The following SLC44A3 variants were observed in gnomAD, a reference collection of about 807,000 sequenced individuals.
SLC44A3 encodes the protein choline transporter-like protein 3.
SLC44A3 carries 74 observed loss-of-function variants against 75.4 expected under a neutral mutation model. The observed-to-expected ratio is 0.98, with a 90% CI of 0.81 to 1.19. The LOEUF is 1.19. Ranked by LOEUF, SLC44A3 falls within the 50% of genes most tolerant of loss-of-function variation. The pLI is 0.00. For synonymous variants in SLC44A3, 310 were observed against 296.9 expected, an observed-to-expected ratio of 1.04 and a Z score of -0.45; for missense variants, 700 against 778.6, an observed-to-expected ratio of 0.90 and a Z score of 1.20.
intron 12 of SLC44A3, among the ~76,000 whole-genome samples, chr1:94,880,166 T>C (rs532214102): frequency 1.3e-5 from 2 of 152,308 alleles, no homozygotes; most frequent in South Asian, 4.1e-4. Context: ...AACAGTTCTG[T>C]TCCTGAGTGT....
In SLC44A3 at chr1:94,885,224, CAAAA is replaced by C. The variant is rs60440950; in HGVS notation, c.1483-5890_1483-5887del. On this transcript the variant is annotated intron_variant, in intron 12 of 14. Coordinates refer to ENST00000271227, the MANE Select transcript of SLC44A3 (RefSeq NM_001114106.3). ...TGGGCGACAGAGTGAGACTCCCTCTCAAAAAAAAAAAAAAAAAAAGAGGCAGCAG... is the reference window on the plus strand; with the variant it reads ...TGGGCGACAGAGTGAGACTCCCTCTCAAAAAAAAAAAAAAAGAGGCAGCAG... Among the ~76,000 whole-genome samples the C allele has an allele frequency of 1.9e-3, 156 of 82,846 alleles. 2 individuals carry two copies. Among genetic ancestry groups the C allele is most frequent in the African/African-American group, 6.8e-3 (142 of 20,922 alleles). 54.4% of individuals were successfully genotyped at this position (82,846 alleles called of 152,430 possible).
rs991440452 is a variant in SLC44A3 at position 94,846,442 on chromosome 1, A to T, written c.1072+978A>T. Among the ~76,000 whole-genome samples the T allele has an allele frequency of 2.0e-5, 3 of 152,222 alleles. No homozygotes were observed. In the East Asian group the frequency reaches 5.8e-4, roughly 29 times the overall value. ...AGCATATTCTAAAGCAGCACTATTC[A>T]GAGTGCAGTCTGAAGCCAGATAAGG... On this transcript the variant is annotated intron_variant, in intron 9 of 14. Transcript: ENST00000271227.
intron 9 of SLC44A3, among the ~76,000 whole-genome samples, chr1:94,849,704 T>C (rs1664948161): frequency 6.6e-6 from 1 of 152,210 alleles, no homozygotes; most frequent in South Asian, 2.1e-4. Flanking sequence ...AGCGCCCAGT[T>C]TTGTGTGTGG....
intron 5 of SLC44A3, among the ~76,000 whole-genome samples, chr1:94,832,980 T>A (rs1008518276): frequency 7.9e-5 from 12 of 151,272 alleles, no homozygotes; most frequent in African/African-American, 1.2e-4. Context: ...TTTTTTTTTT[T>A]AAATTAAAAA....
At chr1:94,856,965 A>C (rs1665954293) in intron 9 of SLC44A3, among the ~76,000 whole-genome samples, 1 of 152,124 alleles carries the variant, frequency 6.6e-6, no homozygotes, top group Non-Finnish European at 1.5e-5. Flanking sequence ...TCCTGACCTC[A>C]GGTGATCCGC....
chr1:94,850,525 C>T (rs1373593269), intron 9 of SLC44A3, among the ~76,000 whole-genome samples: 1 of 152,200 alleles, frequency 6.6e-6, no homozygotes, highest in Non-Finnish European at 1.5e-5. Flanking sequence ...ACACAGCATA[C>T]ACCGTGTACT....
chr1:94,892,362 C>T lies in SLC44A3; in HGVS notation c.1702C>T (p.Leu568=). The stretch of plus-strand genomic sequence containing the variant: ...GGCATTCCAGGTGTGGGCAGTCCCT[C>T]TGTTATTGGTAGCTTTTTTTGCCTA... ...NRAFQVWAVP[L]LLVAFFAYLV... Residue 568 remains leucine, a synonymous_variant, in exon 14 of 15, where the codon CTG becomes TTG. Transcript: ENST00000271227. 1 of 1,614,180 alleles carries T rather than the reference C, an allele frequency of 6.2e-7. No homozygotes were observed.
At chr1:94,889,524 TCACACACA>T (rs57397808) in intron 12 of SLC44A3, among the ~76,000 whole-genome samples, 1 of 111,620 alleles carries the variant, frequency 9.0e-6, no homozygotes, top group Non-Finnish European at 2.2e-5. Flanking sequence ...GTGAACATAA[TCACACACA>T]CACACACACA....
rs181978399 is a variant in SLC44A3, at chr1:94,889,203, C to T, written c.1483-1927C>T. On this transcript the variant is annotated intron_variant, in intron 12 of 14. Coordinates refer to ENST00000271227, the MANE Select transcript of SLC44A3 (RefSeq NM_001114106.3). Reference sequence around the variant, plus strand: ...CTCTTCTACTTACTCTATTAGGACCCGCACTGTGGGAGGCTGATTACTGCA... The same window carrying T: ...CTCTTCTACTTACTCTATTAGGACCTGCACTGTGGGAGGCTGATTACTGCA... 1.3e-3 allele frequency: 192 copies of T among 152,228 alleles called. 1 individual carries two copies. Among genetic ancestry groups the T allele is most frequent in the African/African-American group, 4.4e-3 (182 of 41,540 alleles). The allele number at this position is 152,228 out of a possible 1,614,324, so 9.4% of individuals were successfully genotyped here. A position where few individuals can be genotyped will look rare whatever the true frequency, so the allele number is the denominator to read the frequency against.
intron 12 of SLC44A3, among the ~76,000 whole-genome samples, chr1:94,882,037 CA>C (rs1272136010): frequency 6.6e-6 from 1 of 151,758 alleles, no homozygotes; most frequent in Non-Finnish European, 1.5e-5. Context: ...AACAAAAAAA[CA>C]AAAACCAACC....
intron 5 of SLC44A3, among the ~76,000 whole-genome samples, chr1:94,829,992 T>C (rs1188658286): frequency 6.6e-6 from 1 of 152,224 alleles, no homozygotes; most frequent in African/African-American, 2.4e-5. Flanking sequence ...TTTTTAAAAA[T>C]AATGTATTTC....
chr1:94,869,562 A>G (rs1667538143), intron 12 of SLC44A3, among the ~76,000 whole-genome samples: 1 of 152,178 alleles, frequency 6.6e-6, no homozygotes, highest in African/African-American at 2.4e-5. Flanking sequence ...GGAGATTGGG[A>G]AGAGGAGGAA....
At chr1:94,875,077 GAACC>G (rs1181106394) in intron 12 of SLC44A3, among the ~76,000 whole-genome samples, 2 of 152,198 alleles carry the variant, frequency 1.3e-5, no homozygotes, top group Non-Finnish European at 2.9e-5. Context: ...CCAACAAGGT[GAACC>G]TCTCTATGGA....
intron 12 of SLC44A3, among the ~76,000 whole-genome samples, chr1:94,882,371 C>A (rs577899790): frequency 6.6e-6 from 1 of 152,236 alleles, no homozygotes; most frequent in East Asian, 1.9e-4. Context: ...TAGGGACGAG[C>A]CCATCTATGT....
chr1:94,840,340 A>AGTG (rs1296205728), intron 7 of SLC44A3, among the ~76,000 whole-genome samples: 1 of 115,074 alleles, frequency 8.7e-6, no homozygotes, highest in African/African-American at 3.4e-5. Context: ...CCCAGGCTGG[A>AGTG]GTGCAATGGC....
At chr1:94,847,879 C>T (rs1019215838) in intron 9 of SLC44A3, among the ~76,000 whole-genome samples, 1 of 152,208 alleles carries the variant, frequency 6.6e-6, no homozygotes, top group Non-Finnish European at 1.5e-5. Flanking sequence ...AGCCTGTGCT[C>T]TTTCCACTAC....
chr1:94,868,524 C>T (rs536857297), intron 12 of SLC44A3, among the ~76,000 whole-genome samples: 212 of 152,218 alleles, frequency 1.4e-3, no homozygotes, highest in African/African-American at 4.9e-3. Context: ...CAATCAAATA[C>T]CATAGGACCT....
Position 94,859,525 on chromosome 1 carries a change from C to A in SLC44A3, c.1238+2025C>A, listed in dbSNP as rs545054530. Among the ~76,000 whole-genome samples the A allele has an allele frequency of 7.2e-5, 11 of 152,250 alleles. 1 individual carries two copies. The South Asian group carries it at 2.3e-3, about 32-fold the overall frequency. ...CAAATAAGATGCAGCCTGAAGTGAG[C>A]CACAGAATCCCAGAGAGGCTCAGGA... On this transcript the variant is annotated intron_variant, in intron 10 of 14. Transcript: ENST00000271227.
chr1:94,874,052 C>T (rs758097639), intron 12 of SLC44A3, among the ~76,000 whole-genome samples: 7 of 152,086 alleles, frequency 4.6e-5, no homozygotes, highest in South Asian at 2.1e-4. Flanking sequence ...CTCGTGTGTG[C>T]GTGCTTCAGA....
Sources: allele counts gnomAD v4.1 joint callset (sites outside exome capture counted in the v4.1 genomes callset), GRCh38; gene constraint gnomAD v4.1.1; transcripts MANE v1.5; gene names NCBI Gene and HGNC (gene_info 2026-07-23, HGNC 2026-07-21).